ZDHHC19: variants seen among roughly 807,000 people sequenced by gnomAD.
The protein encoded by ZDHHC19 is zDHHC palmitoyltransferase 19.
A neutral mutation model predicts 33.9 loss-of-function variants in ZDHHC19; 30 were observed. The ratio of observed to expected loss-of-function variants is 0.88; its 90% CI spans 0.66 to 1.20. ZDHHC19 has a LOEUF of 1.20. Ranked by LOEUF, ZDHHC19 falls within the 50% of genes most tolerant of loss-of-function variation. ZDHHC19 has a pLI of 0.00. For synonymous variants in ZDHHC19, 178 were observed against 167.6 expected (o/e 1.06, Z -0.48); for missense variants, 364 against 401.1 (o/e 0.91, Z 0.79).
At chr3:196,208,880 C>A in intron 3 of ZDHHC19, 1 of 363,852 alleles carries the variant, frequency 2.7e-6, no homozygotes, top group Non-Finnish European at 5.1e-6. Context: ...ACTTTCTCAT[C>A]CATTCGATGA....
rs898383334 is a variant in ZDHHC19 at position 196,197,753 on chromosome 3, T to C, written c.*20-28A>G. The C allele has an allele frequency of 6.6e-6, 1 of 152,358 alleles. No individual in the cohort carries two copies. The highest frequency in any genetic ancestry group is 1.9e-4 in the East Asian group (1 of 5,182). 9.4% of individuals were successfully genotyped at this position (152,358 alleles called of 1,614,324 possible). Reference sequence around the variant, plus strand: ...AAACACAGAACAGGGGCATGAGTGCTCTCAACAAGACCCCGCCCCGCAGCT... The same window carrying C: ...AAACACAGAACAGGGGCATGAGTGCCCTCAACAAGACCCCGCCCCGCAGCT... On this transcript the variant is annotated intron_variant, in intron 7 of 7. Transcript: ENST00000296326. The surrounding 1 kb of genome is among the most constrained non-coding windows in gnomAD (Gnocchi z 4.4).
intron 5 of ZDHHC19, among the ~76,000 whole-genome samples, 195 bp downstream of exon 5, chr3:196,207,203 G>T (rs905784789): frequency 1.3e-5 from 2 of 152,186 alleles, no homozygotes; most frequent in African/African-American, 4.8e-5. Flanking sequence ...CACACAGTAG[G>T]CCCCCAGGAA....
Position 196,208,537 on chromosome 3 carries a change from C to T in ZDHHC19, c.432G>A (p.Trp144Ter). The T allele has an allele frequency of 1.2e-6, 2 of 1,614,076 alleles. No individual in the cohort carries two copies. The highest frequency in any genetic ancestry group is 1.7e-6 in the Non-Finnish European group (2 of 1,179,988). The change falls in exon 4 of 8, where the codon TGG becomes TGA. Residue 144 changes from tryptophan to a stop codon, truncating the protein, a stop_gained. Coordinates refer to ENST00000296326, the MANE Select transcript of ZDHHC19 (RefSeq NM_001039617.2). LOFTEE classifies it high-confidence loss of function. ...CVEDFDHHCK[W>*]VNNCIGHRNF... is the part of the protein sequence containing the mutation. ...TGCGGTGACCGATGCAGTTATTGACCCACTTGCAGTGGTGGTCAAAGTCCT... is the reference window on the plus strand; with the variant it reads ...TGCGGTGACCGATGCAGTTATTGACTCACTTGCAGTGGTGGTCAAAGTCCT...
chr3:196,209,147 C>A, intron 3 of ZDHHC19: 1 of 581,274 alleles, frequency 1.7e-6, no homozygotes. Flanking sequence ...AGGACAGATG[C>A]GGATGCCCTG....
In ZDHHC19 at chr3:196,203,271, A is replaced by G. The variant is rs911981029; in HGVS notation, c.687+4127T>C. On this transcript the variant is annotated intron_variant, in intron 5 of 7. Coordinates refer to ENST00000296326, the MANE Select transcript of ZDHHC19 (RefSeq NM_001039617.2). The surrounding 1 kb of genome is among the most constrained non-coding windows in gnomAD (Gnocchi z 4.3). ...AAAAAGAAAAAAAAAGAAAGAAAGA[A>G]GAAAGAAAGAGAGAGAGAAATTGAA... Among the ~76,000 whole-genome samples the G allele has an allele frequency of 1.3e-4, 19 of 149,894 alleles. No individual in the cohort carries two copies. The highest frequency in any genetic ancestry group is 3.8e-4 in the African/African-American group (15 of 39,280).
At chr3:196,208,642 C>T in intron 3 of ZDHHC19, 82 bp from the exon 4 acceptor site, 2 of 1,510,052 alleles carry the variant, frequency 1.3e-6, no homozygotes, top group Non-Finnish European at 1.8e-6. Flanking sequence ...AGGCCCTCCC[C>T]CTGCCTTCTA....
At chr3:196,208,678 T>C in intron 3 of ZDHHC19, 118 bp from the exon 4 acceptor site, 1 of 1,189,954 alleles carries the variant, frequency 8.4e-7, no homozygotes, top group South Asian at 1.5e-5. Context: ...GCCCATGCAC[T>C]GGCTTCCACC....
At chr3:196,209,645 G>T in intron 2 of ZDHHC19, 130 bp from the exon 3 acceptor site, 1 of 1,233,916 alleles carries the variant, frequency 8.1e-7, no homozygotes, top group Non-Finnish European at 1.1e-6. Context: ...TGTCCCCACT[G>T]AGCAAGCTGT....
chr3:196,207,291 C>A, intron 5 of ZDHHC19, 107 bp downstream of exon 5: 3 of 952,236 alleles, frequency 3.2e-6, no homozygotes, highest in Non-Finnish European at 4.7e-6. Flanking sequence ...CCTAACGAGG[C>A]ACCATCGCGG....
chr3:196,207,401 G>A lies in ZDHHC19; in HGVS notation c.684C>T (p.Gly228=). 2 of 1,559,168 alleles carry A rather than the reference G, an allele frequency of 1.3e-6. No individual in the cohort carries two copies. Among genetic ancestry groups the A allele is most frequent in the Non-Finnish European group, 8.7e-7 (1 of 1,152,484 alleles). Residue 228 remains glycine, a synonymous_variant, in exon 5 of 8, where the codon GGC becomes GGT. Coordinates refer to ENST00000296326, the MANE Select transcript of ZDHHC19 (RefSeq NM_001039617.2). ...GACCACCCGCGGCCCCGCGTACCTT[G>A]CCCTTGTAGGTGCGGTCGGCCGAGC... ...SVSSADRTYK[G]KCRHLQGYNP... is the part of the protein sequence containing the mutation.
rs1368954874 is a variant in ZDHHC19, at chr3:196,198,345, G to T, written c.880C>A (p.Pro294Thr). ...MSPSALNPPA[P>T]TSGSLQSREG... The stretch of plus-strand genomic sequence containing the variant: ...CTGCTTTGTAGGGACCCAGAGGTTG[G>T]GGCTGGGGGGTTGAGAGCAGAGGGG... Residue 294 changes from proline (P) to threonine (T), a missense_variant, in exon 7 of 8, where the codon CCA becomes ACA. Coordinates refer to ENST00000296326, the MANE Select transcript of ZDHHC19 (RefSeq NM_001039617.2). 6.6e-7 allele frequency: 1 copy of T among 1,520,086 alleles called. No homozygotes were observed. Among genetic ancestry groups the T allele is most frequent in the East Asian group, 2.3e-5 (1 of 43,884 alleles). 94.2% of individuals were successfully genotyped at this position (1,520,086 alleles called of 1,614,324 possible).
At chr3:196,201,927 G>A (rs1423445378) in intron 5 of ZDHHC19, among the ~76,000 whole-genome samples, 3 of 152,082 alleles carry the variant, frequency 2.0e-5, no homozygotes, top group African/African-American at 7.2e-5. Context: ...AGGGCATCTG[G>A]CTTCTCTCTC....
At chr3:196,210,477 G>C in intron 2 of ZDHHC19, 139 bp downstream of exon 2, 2 of 951,348 alleles carry the variant, frequency 2.1e-6, no homozygotes, top group Non-Finnish European at 3.1e-6. Context: ...GAGTGAGCGA[G>C]GGCCAGAGCA....
At chr3:196,200,250 G>C (rs896591287) in intron 5 of ZDHHC19, among the ~76,000 whole-genome samples, 1 of 150,570 alleles carries the variant, frequency 6.6e-6, no homozygotes, top group African/African-American at 2.5e-5. Flanking sequence ...ACTCCAGCCT[G>C]AATGACAGAG....
chr3:196,199,180 C>A (rs920507522), intron 5 of ZDHHC19, among the ~76,000 whole-genome samples: 5 of 152,238 alleles, frequency 3.3e-5, no homozygotes, highest in African/African-American at 1.2e-4. Flanking sequence ...AAAATCTGGG[C>A]TAAAAGCCTT....
chr3:196,206,508 G>A (rs1230412365), intron 5 of ZDHHC19, among the ~76,000 whole-genome samples: 7 of 151,668 alleles, frequency 4.6e-5, no homozygotes, highest in East Asian at 1.9e-4. Flanking sequence ...ACGTGCCACC[G>A]TGCCTGGCTA....
In ZDHHC19 at chr3:196,200,822, A is replaced by ATT. The variant is rs139248657; in HGVS notation, c.688-1950_688-1949dup. ...CACCACTATGCCCAGCCAATTTTTA[A>ATT]TTTTTTTTGCAGGAATGGGGTCTGG... On this transcript the variant is annotated intron_variant, in intron 5 of 7. Transcript: ENST00000296326. Among the ~76,000 whole-genome samples the ATT allele has an allele frequency of 4.0e-4, 60 of 148,986 alleles. 3 individuals are homozygous for ATT. Among genetic ancestry groups the ATT allele is most frequent in the African/African-American group, 1.5e-3 (59 of 40,178 alleles).
At chr3:196,202,603 G>C (rs556483378) in intron 5 of ZDHHC19, 1 of 153,002 alleles carries the variant, frequency 6.5e-6, no homozygotes, top group Non-Finnish European at 1.5e-5. Flanking sequence ...AGGCGCCCAG[G>C]CACACGCAGA....
At chr3:196,198,136 A>G in intron 7 of ZDHHC19, 140 bp downstream of exon 7, 1 of 813,394 alleles carries the variant, frequency 1.2e-6, no homozygotes, top group Non-Finnish European at 1.7e-6. Flanking sequence ...CCTCCAGTGT[A>G]GAACCCTCCT....
Sources: gnomAD v4.1 joint callset for allele counts (sites outside exome capture counted in the v4.1 genomes callset) on GRCh38, gnomAD v4.1.1 for gene constraint, Gnocchi (gnomAD v3.1) non-coding constraint, MANE v1.5 for transcripts, NCBI Gene and HGNC (gene_info 2026-07-23, HGNC 2026-07-21) for gene names.